ATP6V0D1: variants seen among roughly 807,000 people sequenced by gnomAD.
ATP6V0D1 encodes V-type proton ATPase subunit d 1.
Under a neutral mutation model 39.0 loss-of-function variants are expected in ATP6V0D1, and 13 were observed. That is an observed-to-expected ratio of 0.33 (90% CI 0.22 to 0.53). The LOEUF (loss-of-function observed/expected upper bound fraction) is 0.53. Ranked by LOEUF, ATP6V0D1 falls within the 20% of genes least tolerant of loss-of-function variation. ATP6V0D1 has a pLI of 0.94. For synonymous variants in ATP6V0D1, 191 were observed against 191.2 expected (o/e 1.00, Z 0.01); for missense variants, 272 against 470.9 (o/e 0.58, Z 3.91).
chr16:67,451,019 C>T (rs924969957), intron 2 of ATP6V0D1, among the ~76,000 whole-genome samples: 4 of 152,114 alleles, frequency 2.6e-5, no homozygotes, highest in Non-Finnish European at 4.4e-5. Context: ...GTGTTTAAGA[C>T]GGGAAGGTGG....
rs536388979 is a variant in ATP6V0D1 at position 67,459,285 on chromosome 16, G to A, written c.131-5570C>T. 57 of 984,788 alleles carry A rather than the reference G, an allele frequency of 5.8e-5. No homozygotes were observed. The African/African-American group carries it at 9.6e-4, about 17-fold the overall frequency. 61.0% of individuals were successfully genotyped at this position (984,788 alleles called of 1,614,324 possible). A position where few individuals can be genotyped will look rare whatever the true frequency, so the allele number is the denominator to read the frequency against. On this transcript the variant is annotated intron_variant, in intron 1 of 7. Coordinates refer to ENST00000290949, the MANE Select transcript of ATP6V0D1 (RefSeq NM_004691.5). ...GTTGGGAAGACACACCCCCAGCCTG[G>A]AAAGTGAGAGTCCCTGCCCTCCCAC...
intron 1 of ATP6V0D1, among the ~76,000 whole-genome samples, chr16:67,475,061 T>C (rs2142335035): frequency 6.6e-6 from 1 of 152,352 alleles, no homozygotes; most frequent in Non-Finnish European, 1.5e-5. Flanking sequence ...ACCTGCAAAC[T>C]GTTCTTTCTG....
chr16:67,444,390 A>C lies in ATP6V0D1; in HGVS notation c.481+138T>G, dbSNP rs1284889129. ...GGAGAGAATCGGAGGAGGAAGTTGA[A>C]GGGAGACAAAGGTAAGCAGCAGTGG... On this transcript the variant is annotated intron_variant, in intron 3 of 7. Transcript: ENST00000290949. This position sits in a 1 kb window ranked among gnomAD's most constrained non-coding sequence, Gnocchi z 4.8. The C allele has an allele frequency of 1.1e-6, 1 of 878,662 alleles. No individual in the cohort carries two copies. Among genetic ancestry groups the C allele is most frequent in the East Asian group, 2.8e-5 (1 of 35,516 alleles). The allele number at this position is 878,662 out of a possible 1,614,324, so 54.4% of individuals were successfully genotyped here.
At chr16:67,476,737 ATAGAGG>A (rs1029888932) in intron 1 of ATP6V0D1, among the ~76,000 whole-genome samples, 2 of 152,110 alleles carry the variant, frequency 1.3e-5, no homozygotes, top group Admixed American at 1.3e-4. Context: ...GTGCCTCCCA[ATAGAGG>A]TACAAACATT....
chr16:67,442,399 C>T (rs568543159), intron 4 of ATP6V0D1, among the ~76,000 whole-genome samples: 5 of 152,204 alleles, frequency 3.3e-5, no homozygotes, highest in Non-Finnish European at 5.9e-5. Flanking sequence ...AGTGCCTCAC[C>T]GCAGCCAGAG....
chr16:67,449,591 AGC>A (rs2041154986), intron 2 of ATP6V0D1, among the ~76,000 whole-genome samples: 1 of 152,224 alleles, frequency 6.6e-6, no homozygotes, highest in Non-Finnish European at 1.5e-5. Context: ...CATGCCAGAC[AGC>A]TGCCTCATGC....
intron 1 of ATP6V0D1, among the ~76,000 whole-genome samples, chr16:67,476,737 A>G (rs975829241): frequency 1.3e-5 from 2 of 152,110 alleles, no homozygotes; most frequent in Non-Finnish European, 2.9e-5. Flanking sequence ...GTGCCTCCCA[A>G]TAGAGGTACA....
intron 1 of ATP6V0D1, chr16:67,454,994 G>C (rs2041223294): frequency 6.6e-6 from 1 of 152,250 alleles, no homozygotes; most frequent in Non-Finnish European, 1.5e-5. Flanking sequence ...TGTCCCTTGT[G>C]TTATTCTTCT....
Position 67,444,161 on chromosome 16 carries a change from C to A in ATP6V0D1, c.481+367G>T, listed in dbSNP as rs539959998. ...GGCAGCCACTCTGGCTTTACTCAGG[C>A]TCCAGCTCCGGGCCACAGTCTGTCA... On this transcript the variant is annotated intron_variant, in intron 3 of 7. Transcript: ENST00000290949. The surrounding 1 kb of genome is among the most constrained non-coding windows in gnomAD (Gnocchi z 4.8). 1.3e-5 allele frequency among the ~76,000 whole-genome samples: 2 copies of A among 152,346 alleles called. No homozygotes were observed. The highest frequency in any genetic ancestry group is 2.4e-5 in the African/African-American group (1 of 41,582).
intron 1 of ATP6V0D1, among the ~76,000 whole-genome samples, chr16:67,462,178 T>TG: frequency 6.6e-6 from 1 of 152,178 alleles, no homozygotes; most frequent in African/African-American, 2.4e-5. Flanking sequence ...GAAGGCTCCA[T>TG]GGGACTGGCA....
intron 1 of ATP6V0D1, among the ~76,000 whole-genome samples, chr16:67,475,937 T>A (rs940883202): frequency 6.6e-6 from 1 of 152,178 alleles, no homozygotes; most frequent in African/African-American, 2.4e-5. Flanking sequence ...TTAGAACATA[T>A]GGGCATCCCA....
chr16:67,464,484 C>T (rs955322840), intron 1 of ATP6V0D1, among the ~76,000 whole-genome samples: 1 of 152,216 alleles, frequency 6.6e-6, no homozygotes, highest in African/African-American at 2.4e-5. Flanking sequence ...TGACACTGTT[C>T]TAGCCTCGTC....
chr16:67,445,605 T>C (rs2041105997), intron 2 of ATP6V0D1, among the ~76,000 whole-genome samples: 1 of 152,196 alleles, frequency 6.6e-6, no homozygotes, highest in African/African-American at 2.4e-5. Context: ...CCCAGAGACC[T>C]GAACAGGAGG....
At chr16:67,458,182 A>C (rs938037848) in intron 1 of ATP6V0D1, among the ~76,000 whole-genome samples, 1 of 152,164 alleles carries the variant, frequency 6.6e-6, no homozygotes, top group Non-Finnish European at 1.5e-5. Flanking sequence ...TGGCAGCCCC[A>C]AGCCCTAAGA....
intron 4 of ATP6V0D1, chr16:67,439,953 G>A (rs1161168672): frequency 6.4e-6 from 1 of 155,164 alleles, no homozygotes; most frequent in Non-Finnish European, 1.4e-5. Flanking sequence ...GGGAGGCGGA[G>A]GTTGCAGTGA....
At chr16:67,471,495 T>A (rs989391575) in intron 1 of ATP6V0D1, among the ~76,000 whole-genome samples, 1 of 151,898 alleles carries the variant, frequency 6.6e-6, no homozygotes, top group African/African-American at 2.4e-5. Flanking sequence ...TGGCCTATTA[T>A]TTCTTTGTGT....
In ATP6V0D1 at chr16:67,438,695, G is replaced by A; in HGVS notation, c.895-6C>T. The stretch of plus-strand genomic sequence containing the variant: ...GCCAACTTGTTCAGCTTTACCTGTG[G>A]ACACGGGCAGATGTGGTGTCCAGGT... On this transcript the variant is annotated splice_polypyrimidine_tract_variant and splice_region_variant and intron_variant, in intron 7 of 7. Transcript: ENST00000290949. 1 of 1,614,210 alleles carries A rather than the reference G, an allele frequency of 6.2e-7. No individual in the cohort carries two copies. Among genetic ancestry groups the A allele is most frequent in the Non-Finnish European group, 8.5e-7 (1 of 1,180,038 alleles).
chr16:67,479,884 T>A (rs963050824), intron 1 of ATP6V0D1, among the ~76,000 whole-genome samples: 1 of 152,056 alleles, frequency 6.6e-6, no homozygotes, highest in Non-Finnish European at 1.5e-5. Flanking sequence ...ACTCAGTACA[T>A]CTGTTGGAGC....
At position 67,453,492 on chromosome 16, in the gene ATP6V0D1, G is replaced by A; in HGVS notation, c.302+52C>T. On this transcript the variant is annotated intron_variant, in intron 2 of 7. Coordinates refer to ENST00000290949, the MANE Select transcript of ATP6V0D1 (RefSeq NM_004691.5). This position sits in a 1 kb window ranked among gnomAD's most constrained non-coding sequence, Gnocchi z 4.1. ...GCCACACTGAACCCAGCTCCTGCAG[G>A]TGTAGCTATCCTGCCCAGGTAAGAG... 3 of 1,595,240 alleles carry A rather than the reference G, an allele frequency of 1.9e-6. No homozygotes were observed. Among genetic ancestry groups the A allele is most frequent in the South Asian group, 2.3e-5 (2 of 88,808 alleles).
Sources: allele counts gnomAD v4.1 joint callset (sites outside exome capture counted in the v4.1 genomes callset), GRCh38; gene constraint gnomAD v4.1.1; non-coding constraint Gnocchi (gnomAD v3.1); transcripts MANE v1.5; gene names NCBI Gene and HGNC (gene_info 2026-07-23, HGNC 2026-07-21).